KCTD5: variants seen among roughly 807,000 people sequenced by gnomAD.
KCTD5 encodes potassium channel tetramerization domain containing 5.
KCTD5 carries 12 observed loss-of-function variants against 27.9 expected under a neutral mutation model. The ratio of observed to expected loss-of-function variants is 0.43; its 90% confidence interval spans 0.28 to 0.70. KCTD5 has a LOEUF of 0.70. Among genes scored for constraint, KCTD5 ranks in the 30% least tolerant of loss-of-function variants. The probability of loss-of-function intolerance (pLI) is 0.19; values close to 1 mark genes in which losing one functional copy is unlikely to be tolerated. For missense variants in KCTD5, 226 were observed against 274.8 expected (o/e 0.82, Z 1.26); for synonymous variants, 147 against 121.4 (o/e 1.21, Z -1.39).
At chr16:2,688,543 T>C (rs2067552919) in intron 1 of KCTD5, among the ~76,000 whole-genome samples, 2 of 151,454 alleles carry the variant, frequency 1.3e-5, no homozygotes, top group Admixed American at 6.6e-5. Flanking sequence ...GAGTGTACTT[T>C]ACTTTTAGGA....
chr16:2,698,473 C>T (rs1279186354), intron 3 of KCTD5, among the ~76,000 whole-genome samples: 1 of 152,246 alleles, frequency 6.6e-6, no homozygotes, highest in Non-Finnish European at 1.5e-5. Flanking sequence ...CCTCTCACAG[C>T]TGGCACGGCC....
chr16:2,707,687 C>T lies in KCTD5; in HGVS notation c.*360C>T. The T allele has an allele frequency of 1.9e-6, 1 of 531,022 alleles. No individual in the cohort carries two copies. The highest frequency in any genetic ancestry group is 3.3e-6 in the Non-Finnish European group (1 of 299,214). The allele number at this position is 531,022 out of a possible 1,614,324, so 32.9% of individuals were successfully genotyped here. On this transcript the variant is annotated 3_prime_UTR_variant, in exon 6 of 6. Transcript: ENST00000301738. ...TGGTGCTACACACAGTCTGGAAAAG[C>T]AGCCTGGGCTTCACTGGCAGGAAGC...
At chr16:2,692,995 G>T (rs1037774813) in intron 1 of KCTD5, among the ~76,000 whole-genome samples, 1 of 152,260 alleles carries the variant, frequency 6.6e-6, no homozygotes, top group African/African-American at 2.4e-5. Context: ...GCCATAGTTT[G>T]GGTGGGGCGA....
intron 1 of KCTD5, among the ~76,000 whole-genome samples, chr16:2,693,086 G>T (rs1029732825): frequency 2.6e-5 from 4 of 152,238 alleles, no homozygotes; most frequent in Non-Finnish European, 4.4e-5. Flanking sequence ...AGTGGGGTGG[G>T]TGTGATGGCT....
At chr16:2,704,726 C>T (rs1027827349) in intron 5 of KCTD5, among the ~76,000 whole-genome samples, 25 of 152,200 alleles carry the variant, frequency 1.6e-4, no homozygotes, top group Non-Finnish European at 2.8e-4. Context: ...CGCCTGCCCC[C>T]GTGGCTGATC....
At chr16:2,684,249 C>T (rs1311363925) in intron 1 of KCTD5, 1 of 151,992 alleles carries the variant, frequency 6.6e-6, no homozygotes, top group Non-Finnish European at 1.5e-5. Context: ...TTCTTTGAGG[C>T]AATGGTTGTC....
At chr16:2,692,744 C>G (rs1283037824) in intron 1 of KCTD5, among the ~76,000 whole-genome samples, 1 of 152,262 alleles carries the variant, frequency 6.6e-6, no homozygotes, top group Admixed American at 6.5e-5. Context: ...TCCCAGGAAT[C>G]TATCTGCCTC....
At chr16:2,691,764 A>G (rs1426848559) in intron 1 of KCTD5, among the ~76,000 whole-genome samples, 1 of 152,174 alleles carries the variant, frequency 6.6e-6, no homozygotes, top group Non-Finnish European at 1.5e-5. Flanking sequence ...GAGGTTGGCA[A>G]CAAGCATCTG....
At chr16:2,682,922 C>A in intron 1 of KCTD5, 122 bp downstream of exon 1, 1 of 1,228,020 alleles carries the variant, frequency 8.1e-7, no homozygotes, top group Non-Finnish European at 1.1e-6. Flanking sequence ...GGGCTTCGAG[C>A]CCCGCGCTCC....
At chr16:2,692,718 G>A (rs2067571892) in intron 1 of KCTD5, among the ~76,000 whole-genome samples, 2 of 152,218 alleles carry the variant, frequency 1.3e-5, no homozygotes, top group Non-Finnish European at 2.9e-5. Flanking sequence ...GCCTTACCGG[G>A]GACCTACCCC....
At chr16:2,700,016 C>G (rs1252398233) in intron 4 of KCTD5, 100 bp downstream of exon 4, 2 of 1,111,066 alleles carry the variant, frequency 1.8e-6, no homozygotes, top group Non-Finnish European at 2.7e-6. Context: ...GACTTTGCTG[C>G]TGGCGTCTTC....
chr16:2,700,400 G>A (rs970058629), intron 4 of KCTD5, among the ~76,000 whole-genome samples: 2 of 152,228 alleles, frequency 1.3e-5, no homozygotes, highest in African/African-American at 2.4e-5. Flanking sequence ...AAGCTGCGGC[G>A]GGTGGGGTCT....
At chr16:2,684,358 A>G (rs2067530780) in intron 1 of KCTD5, 1 of 152,262 alleles carries the variant, frequency 6.6e-6, no homozygotes, top group African/African-American at 2.4e-5. Flanking sequence ...TTTGTTAAAA[A>G]TTATGGGCCA....
chr16:2,699,744 G>A, intron 3 of KCTD5, 77 bp from the exon 4 acceptor site: 2 of 1,358,398 alleles, frequency 1.5e-6, no homozygotes, highest in South Asian at 1.2e-5. Context: ...CAGCCTCCCT[G>A]GGTCACCTGG....
At chr16:2,702,005 G>T (rs936646185) in intron 4 of KCTD5, among the ~76,000 whole-genome samples, 4 of 152,160 alleles carry the variant, frequency 2.6e-5, no homozygotes, top group Admixed American at 1.3e-4. Flanking sequence ...TTTCAGAGCC[G>T]CCCTCCACTC....
At chr16:2,704,548 C>T (rs1024800063) in intron 5 of KCTD5, among the ~76,000 whole-genome samples, 1 of 152,270 alleles carries the variant, frequency 6.6e-6, no homozygotes, top group African/African-American at 2.4e-5. Flanking sequence ...AGCGCTTAGA[C>T]TCAAGGCCGC....
intron 1 of KCTD5, among the ~76,000 whole-genome samples, chr16:2,693,012 G>A (rs2067573409): frequency 6.6e-6 from 1 of 152,262 alleles, no homozygotes. Flanking sequence ...GCGAACCCCA[G>A]GGCTGCAGCC....
intron 4 of KCTD5, 82 bp from the exon 5 acceptor site, chr16:2,702,271 C>T (rs2067615506): frequency 7.7e-6 from 12 of 1,562,036 alleles, no homozygotes; most frequent in African/African-American, 6.8e-5. Flanking sequence ...CGGTGGCAGG[C>T]GCGTCCTGAG....
chr16:2,687,353 C>T lies in KCTD5; in HGVS notation c.252+4553C>T, dbSNP rs1475913121. On this transcript the variant is annotated intron_variant, in intron 1 of 5. Transcript: ENST00000301738. Reference sequence around the variant, plus strand: ...ACATGGGCCCGCGGTCTTCGGCATTCTCGCCTCCAGACTTCTGCGGGTGGC... The same window carrying T: ...ACATGGGCCCGCGGTCTTCGGCATTTTCGCCTCCAGACTTCTGCGGGTGGC... Among the ~76,000 whole-genome samples, 3 of 152,202 alleles carry T rather than the reference C, an allele frequency of 2.0e-5. No individual in the cohort carries two copies. The South Asian group carries it at 6.2e-4, about 32-fold the overall frequency.
Sources: gnomAD v4.1 joint callset for allele counts (sites outside exome capture counted in the v4.1 genomes callset) on GRCh38, gnomAD v4.1.1 for gene constraint, MANE v1.5 for transcripts, NCBI Gene and HGNC (gene_info 2026-07-23, HGNC 2026-07-21) for gene names.